Variants in GTF3C3 observed in about 807,000 individuals in gnomAD.
The protein encoded by GTF3C3 is general transcription factor IIIC subunit 3, also known as general transcription factor 3C polypeptide 3.
In GTF3C3, 75 loss-of-function variants were observed where a neutral mutation model predicts 105.2. The observed-to-expected ratio is 0.71, with a 90% CI of 0.59 to 0.86. The LOEUF (loss-of-function observed/expected upper bound fraction) is 0.86. Among genes scored for constraint, GTF3C3 ranks in the 40% least tolerant of loss-of-function variants. The pLI is 0.00. For synonymous variants in GTF3C3, 335 were observed against 370.4 expected (o/e 0.90, Z 1.10); for missense variants, 856 against 1,076.5 (o/e 0.80, Z 2.87).
At chr2:196,774,721 A>G (rs997223227) in intron 13 of GTF3C3, among the ~76,000 whole-genome samples, 1 of 152,234 alleles carries the variant, frequency 6.6e-6, no homozygotes, top group African/African-American at 2.4e-5. Flanking sequence ...ACTTATTTTC[A>G]AAGAGTTTCT....
At chr2:196,792,712 G>C (rs1699571110) in intron 3 of GTF3C3, among the ~76,000 whole-genome samples, 2 of 152,000 alleles carry the variant, frequency 1.3e-5, no homozygotes, top group South Asian at 4.1e-4. Flanking sequence ...GACTTCCCCA[G>C]GCTCAGCTGA....
chr2:196,784,405 A>G (rs1699418381), intron 8 of GTF3C3, among the ~76,000 whole-genome samples: 1 of 152,210 alleles, frequency 6.6e-6, no homozygotes, highest in Non-Finnish European at 1.5e-5. Flanking sequence ...TTCTAACCAG[A>G]TCACTAATTA....
chr2:196,774,053 T>C (rs905276656), intron 13 of GTF3C3, among the ~76,000 whole-genome samples: 6 of 152,234 alleles, frequency 3.9e-5, no homozygotes, highest in Admixed American at 3.9e-4. Context: ...GAGATTCAAG[T>C]TGTTCTTGAT....
intron 6 of GTF3C3, among the ~76,000 whole-genome samples, chr2:196,788,803 A>ATG (rs1276540968): frequency 6.6e-6 from 1 of 152,134 alleles, no homozygotes; most frequent in African/African-American, 2.4e-5. Context: ...GGTGGCTCAT[A>ATG]TGTGTAATCC....
chr2:196,792,748 GGGCT>G (rs1224738727), intron 3 of GTF3C3, among the ~76,000 whole-genome samples: 51 of 152,028 alleles, frequency 3.4e-4, no homozygotes, highest in Non-Finnish European at 6.5e-4. Flanking sequence ...CGGAGCAGCT[GGGCT>G]ACAGGCACAC....
At chr2:196,773,238 G>A in intron 13 of GTF3C3, 85 bp from the exon 14 acceptor site, 1 of 792,290 alleles carries the variant, frequency 1.3e-6, no homozygotes, top group South Asian at 1.7e-5. Flanking sequence ...TCAATTTTAA[G>A]ACAAGTTTAA....
chr2:196,780,329 A>G, intron 9 of GTF3C3: 1 of 1,128,582 alleles, frequency 8.9e-7, no homozygotes. Flanking sequence ...ATCTCAAATT[A>G]TGATCTTTAG....
chr2:196,773,527 A>T (rs1699212398), intron 13 of GTF3C3: 2 of 308,366 alleles, frequency 6.5e-6, no homozygotes, highest in Non-Finnish European at 1.3e-5. Flanking sequence ...GGCACCAAGG[A>T]CCAGTTTCAT....
Position 196,785,465 on chromosome 2 carries a change from G to A in GTF3C3, c.1017C>T (p.Asn339=). ...CCTCCAAAGCTTTGTCATACTGTTT[G>A]TTAGAAATATATAGTTCAGCTGCTA... ...VNIAAELYIS[N]KQYDKALEII... Residue 339 remains asparagine, a synonymous_variant, in exon 7 of 18, where the codon AAC becomes AAT. Transcript: ENST00000263956. 6.2e-7 allele frequency: 1 copy of A among 1,607,120 alleles called. No homozygotes were observed. The highest frequency in any genetic ancestry group is 8.5e-7 in the Non-Finnish European group (1 of 1,176,202).
At chr2:196,789,854 GAAAA>G in intron 5 of GTF3C3, 21 bp downstream of exon 5, 2 of 1,053,474 alleles carry the variant, frequency 1.9e-6, no homozygotes, top group South Asian at 1.8e-5. Context: ...TTGTAAAAGT[GAAAA>G]AAAAAAAAAA....
intron 8 of GTF3C3, among the ~76,000 whole-genome samples, chr2:196,781,518 G>A (rs758731330): frequency 6.6e-6 from 1 of 150,648 alleles, no homozygotes; most frequent in South Asian, 2.1e-4. Context: ...ATCTAGAGAT[G>A]ATTTAAAGTA....
Position 196,776,197 on chromosome 2 carries a change from A to G in GTF3C3, c.1594-86T>C, listed in dbSNP as rs1047500109. ...TTTGCATAGAAACATTTTTAAAAAA[A>G]CAAACCATATTGCTTTATGGTCTTT... On this transcript the variant is annotated intron_variant, in intron 11 of 17. Transcript: ENST00000263956. The surrounding 1 kb of genome is among the most constrained non-coding windows in gnomAD (Gnocchi z 4.5). The G allele has an allele frequency of 5.0e-6, 4 of 804,352 alleles. No individual in the cohort carries two copies. Among genetic ancestry groups the G allele is most frequent in the South Asian group, 1.9e-5 (1 of 52,078 alleles). The allele number at this position is 804,352 out of a possible 1,614,324, so 49.8% of individuals were successfully genotyped here. A position where few individuals can be genotyped will look rare whatever the true frequency, so the allele number is the denominator to read the frequency against.
rs1699141015 is a variant in GTF3C3 at position 196,769,846 on chromosome 2, A to C, written c.2385+69T>G. On this transcript the variant is annotated intron_variant, in intron 16 of 17. Transcript: ENST00000263956. ...TATTACTTTTGAAGCAGGATTTTTA[A>C]AAAAAGTATTAAGTATATTCATTTT... 4 of 1,360,352 alleles carry C rather than the reference A, an allele frequency of 2.9e-6. No homozygotes were observed. The Admixed American group carries it at 7.8e-5, about 27-fold the overall frequency. The allele number at this position is 1,360,352 out of a possible 1,614,324, so 84.3% of individuals were successfully genotyped here.
intron 5 of GTF3C3, among the ~76,000 whole-genome samples, 165 bp downstream of exon 5, chr2:196,789,714 T>A (rs986501483): frequency 9.2e-5 from 14 of 152,088 alleles, no homozygotes; most frequent in Non-Finnish European, 2.9e-5. Context: ...AAGTCCCTGA[T>A]AAACATGAGA....
intron 17 of GTF3C3, 35 bp from the exon 18 acceptor site, chr2:196,764,720 T>C (rs1441378450): frequency 6.3e-7 from 1 of 1,576,846 alleles, no homozygotes; most frequent in Admixed American, 1.8e-5. Flanking sequence ...GTTTAATATT[T>C]CCAACTGTCA....
intron 15 of GTF3C3, 66 bp from the exon 16 acceptor site, chr2:196,770,105 T>G: frequency 2.9e-6 from 4 of 1,370,264 alleles, no homozygotes; most frequent in Non-Finnish European, 3.9e-6. Context: ...TTCAACACTT[T>G]TAAGGCCAAA....
intron 14 of GTF3C3, among the ~76,000 whole-genome samples, chr2:196,772,281 G>A (rs778483763): frequency 2.6e-5 from 4 of 152,174 alleles, no homozygotes; most frequent in Non-Finnish European, 5.9e-5. Context: ...GCATTGGCCG[G>A]GCACCGTGGC....
At chr2:196,775,340 T>TG in intron 12 of GTF3C3, 89 bp from the exon 13 acceptor site, 1 of 1,228,780 alleles carries the variant, frequency 8.1e-7, no homozygotes, top group South Asian at 1.6e-5. Flanking sequence ...AGGCTGGATT[T>TG]GAACTCCTAA....
At chr2:196,785,049 G>A in intron 7 of GTF3C3, 120 bp from the exon 8 acceptor site, 1 of 667,166 alleles carries the variant, frequency 1.5e-6, no homozygotes, top group Non-Finnish European at 2.5e-6. Context: ...TAAAAAGAAA[G>A]AGTCTTTTAA....
Sources: allele counts gnomAD v4.1 joint callset (sites outside exome capture counted in the v4.1 genomes callset), GRCh38; gene constraint gnomAD v4.1.1; non-coding constraint Gnocchi (gnomAD v3.1); transcripts MANE v1.5; gene names NCBI Gene and HGNC (gene_info 2026-07-23, HGNC 2026-07-21).